INPP4B: variants seen among roughly 807,000 people sequenced by gnomAD.
The protein encoded by INPP4B is inositol polyphosphate 4-phosphatase type II.
Under a neutral mutation model 122.5 loss-of-function variants are expected in INPP4B, and 55 were observed. The ratio of observed to expected loss-of-function variants is 0.45; its 90% CI spans 0.36 to 0.56. INPP4B has a LOEUF of 0.56. Ranked by LOEUF, INPP4B falls within the 20% of genes least tolerant of loss-of-function variation. INPP4B has a pLI of 0.00. For synonymous variants in INPP4B, 403 were observed against 388.7 expected (o/e 1.04, Z -0.43); for missense variants, 1,000 against 1,097.7 (o/e 0.91, Z 1.26).
chr4:142,492,180 C>T (rs1821964885), intron 2 of INPP4B, among the ~76,000 whole-genome samples: 1 of 152,108 alleles, frequency 6.6e-6, no homozygotes, highest in African/African-American at 2.4e-5. Flanking sequence ...CCATGATTGT[C>T]AGTTTCCTGA....
Position 142,695,651 on chromosome 4 carries a change from T to C in INPP4B, c.-191+30188A>G, listed in dbSNP as rs546417512. ...TCCATCATGTTGTTAGCAGCATGCC[T>C]CAAAGGCAGGAACCTACCCAACAGA... On this transcript the variant is annotated intron_variant, in intron 2 of 25. Transcript: ENST00000262992. 5.3e-5 allele frequency among the ~76,000 whole-genome samples: 8 copies of C among 152,248 alleles called. No homozygotes were observed. In the South Asian group the frequency reaches 1.7e-3, roughly 32 times the overall value.
At chr4:142,798,648 A>G (rs907835033) in intron 1 of INPP4B, among the ~76,000 whole-genome samples, 4 of 151,894 alleles carry the variant, frequency 2.6e-5, no homozygotes, top group African/African-American at 9.7e-5. Context: ...ACTTTTCTGA[A>G]ATATGTTACT....
chr4:142,453,605 A>T (rs1443375158), intron 3 of INPP4B, among the ~76,000 whole-genome samples: 3 of 152,086 alleles, frequency 2.0e-5, no homozygotes, highest in Admixed American at 2.0e-4. Context: ...AGAGTGCCTG[A>T]GGTTATCTGC....
At chr4:142,398,393 AAAAAAAAAATATATATATATATAT>A (rs1562010599) in intron 7 of INPP4B, among the ~76,000 whole-genome samples, 6 of 26,222 alleles carry the variant, frequency 2.3e-4, no homozygotes, top group African/African-American at 6.8e-4. Flanking sequence ...AAAAAAAAAA[AAAAAAAAAATATATATATATATAT>A]ATATATATAT....
intron 11 of INPP4B, among the ~76,000 whole-genome samples, chr4:142,252,084 G>A (rs1345698729): frequency 1.3e-5 from 2 of 152,006 alleles, no homozygotes; most frequent in African/African-American, 2.4e-5. Context: ...CCTCATTTGT[G>A]AAATATGGAT....
chr4:142,748,644 A>G (rs1266018918), intron 1 of INPP4B, among the ~76,000 whole-genome samples: 2 of 151,832 alleles, frequency 1.3e-5, no homozygotes, highest in Non-Finnish European at 1.5e-5. Context: ...TTCCTAAACA[A>G]CTCAACTTAT....
At chr4:142,257,841 G>C (rs987116459) in intron 11 of INPP4B, among the ~76,000 whole-genome samples, 6 of 151,902 alleles carry the variant, frequency 3.9e-5, no homozygotes, top group Non-Finnish European at 4.4e-5. Flanking sequence ...TCACAGAATT[G>C]GAAAAAACTA....
chr4:142,532,011 G>C (rs989433121), intron 2 of INPP4B, among the ~76,000 whole-genome samples: 3 of 152,144 alleles, frequency 2.0e-5, no homozygotes, highest in African/African-American at 7.2e-5. Context: ...CCACCATCCT[G>C]GTTCAGATAA....
At position 142,575,153 on chromosome 4, in the gene INPP4B, T is replaced by A. The variant is rs544423271; in HGVS notation, c.-190-112427A>T. Among the ~76,000 whole-genome samples the A allele has an allele frequency of 1.9e-3, 290 of 151,998 alleles. 1 individual carries two copies. The highest frequency in any genetic ancestry group is 3.3e-3 in the Non-Finnish European group (223 of 67,978). ...CTTAGGAAATGTTAACCACGTTATT[T>A]GGCTCTCAGTTCAGTCCCAAATCCA... On this transcript the variant is annotated intron_variant, in intron 2 of 25. Transcript: ENST00000262992.
intron 9 of INPP4B, among the ~76,000 whole-genome samples, chr4:142,283,697 T>C (rs1752245207): frequency 6.6e-6 from 1 of 152,154 alleles, no homozygotes; most frequent in African/African-American, 2.4e-5. Flanking sequence ...TGTTATAATC[T>C]TATGGAACCA....
chr4:142,048,822 G>T (rs149971258), intron 25 of INPP4B, among the ~76,000 whole-genome samples: 1 of 152,170 alleles, frequency 6.6e-6, no homozygotes, highest in East Asian at 1.9e-4. Context: ...AAGCAGAGCA[G>T]TTGGAAGCAG....
chr4:142,029,283 T>G (rs1738311142), intron 25 of INPP4B: 3 of 989,510 alleles, frequency 3.0e-6, no homozygotes, highest in Admixed American at 1.2e-4. Context: ...AATCTATATG[T>G]AGCCCTAAGG....
chr4:142,403,016 G>A lies in INPP4B; in HGVS notation c.294C>T (p.Phe98=), dbSNP rs1399282048. 7 of 1,611,110 alleles carry A rather than the reference G, an allele frequency of 4.3e-6. No homozygotes were observed. Among genetic ancestry groups the A allele is most frequent in the Non-Finnish European group, 5.9e-6 (7 of 1,177,276 alleles). ...CCTCATAGATGGGATACTCAGATGG[G>A]AATGTGACACCAGTCAAAAACAGTG... The part of the protein sequence containing the change: ...RDPLFLTGVT[F]PSEYPIYEET... The change falls in exon 7 of 26, where the codon TTC becomes TTT. Residue 98 remains phenylalanine, a synonymous_variant. Transcript: ENST00000262992.
chr4:142,236,588 T>C (rs1011222767), intron 12 of INPP4B, among the ~76,000 whole-genome samples: 37 of 152,166 alleles, frequency 2.4e-4, no homozygotes, highest in Non-Finnish European at 7.4e-5. Context: ...CACCTTTCTG[T>C]CTCATTTTTA....
At chr4:142,713,791 G>A (rs1325799868) in intron 2 of INPP4B, among the ~76,000 whole-genome samples, 1 of 152,142 alleles carries the variant, frequency 6.6e-6, no homozygotes, top group Admixed American at 6.5e-5. Context: ...CATCCTGGGG[G>A]TTTTAAGATC....
intron 25 of INPP4B, among the ~76,000 whole-genome samples, chr4:142,072,146 AC>A (rs1767809241): frequency 6.6e-6 from 1 of 152,220 alleles, no homozygotes; most frequent in Admixed American, 6.5e-5. Context: ...ACCATGGAAT[AC>A]TATGCAGCCA....
rs1436431857 is a variant in INPP4B, at chr4:142,720,779, C to A, written c.-191+5060G>T. Among the ~76,000 whole-genome samples, 17 of 15,216 alleles carry A rather than the reference C, an allele frequency of 1.1e-3. 1 individual carries two copies. The highest frequency in any genetic ancestry group is 2.2e-3 in the African/African-American group (9 of 4,038). 10.0% of individuals were successfully genotyped at this position (15,216 alleles called of 152,430 possible). A position where few individuals can be genotyped will look rare whatever the true frequency, so the allele number is the denominator to read the frequency against. On this transcript the variant is annotated intron_variant, in intron 2 of 25. Transcript: ENST00000262992. ...ATATATAATCTCTCTCTCTCTCTCTCTCTCTCTCTCTCTCTCTCTCTCTCT... is the reference window on the plus strand; with the variant it reads ...ATATATAATCTCTCTCTCTCTCTCTATCTCTCTCTCTCTCTCTCTCTCTCT...
chr4:142,458,317 G>A (rs1218412317), intron 3 of INPP4B, among the ~76,000 whole-genome samples: 2 of 152,008 alleles, frequency 1.3e-5, no homozygotes, highest in Non-Finnish European at 2.9e-5. Context: ...AAGTTTTGTG[G>A]GATAATGTTA....
chr4:142,541,851 G>A (rs1365826591), intron 2 of INPP4B, among the ~76,000 whole-genome samples: 1 of 152,068 alleles, frequency 6.6e-6, no homozygotes, highest in Non-Finnish European at 1.5e-5. Flanking sequence ...GGCTTCCCCA[G>A]TGCCCAGCTC....
Sources: allele counts gnomAD v4.1 joint callset (sites outside exome capture counted in the v4.1 genomes callset), GRCh38; gene constraint gnomAD v4.1.1; transcripts MANE v1.5; gene names NCBI Gene and HGNC (gene_info 2026-07-23, HGNC 2026-07-21).